EFHC1: variants seen among roughly 807,000 people sequenced by gnomAD.
The protein encoded by EFHC1 is EF-hand domain containing 1, also known as EF-hand domain-containing protein 1.
EFHC1 carries 53 observed loss-of-function variants against 69.9 expected under a neutral mutation model. The ratio of observed to expected loss-of-function variants is 0.76; its 90% confidence interval spans 0.61 to 0.95. EFHC1 has a LOEUF of 0.95. Among genes scored for constraint, EFHC1 ranks in the 40% least tolerant of loss-of-function variants. EFHC1 has a pLI of 0.00. For missense variants in EFHC1, 739 were observed against 798.7 expected (o/e 0.93, Z 0.90); for synonymous variants, 256 against 278.4 (o/e 0.92, Z 0.80).
intron 2 of EFHC1, chr6:52,428,338 C>G (rs957956440): frequency 4.6e-5 from 7 of 151,876 alleles, no homozygotes; most frequent in African/African-American, 1.5e-4. Context: ...TCCCTCACCC[C>G]CTTCCCACCC....
chr6:52,435,062 C>G (rs1330427022), intron 2 of EFHC1, among the ~76,000 whole-genome samples: 1 of 152,156 alleles, frequency 6.6e-6, no homozygotes, highest in African/African-American at 2.4e-5. Context: ...CTTTGGTTAT[C>G]TTCTCTGTGA....
At chr6:52,473,950 C>T (rs1382198523) in intron 7 of EFHC1, among the ~76,000 whole-genome samples, 1 of 152,014 alleles carries the variant, frequency 6.6e-6, no homozygotes, top group African/African-American at 2.4e-5. Flanking sequence ...ATATAAAGAA[C>T]ACTCTGAAAT....
At chr6:52,491,570 A>G (rs1461791048) in intron 10 of EFHC1, among the ~76,000 whole-genome samples, 1 of 152,248 alleles carries the variant, frequency 6.6e-6, no homozygotes, top group Non-Finnish European at 1.5e-5. Context: ...TAGTTCTGAA[A>G]TCTTGGGAAA....
At chr6:52,485,083 A>G (rs981658221) in intron 9 of EFHC1, 1 of 152,210 alleles carries the variant, frequency 6.6e-6, no homozygotes, top group Non-Finnish European at 1.5e-5. Flanking sequence ...TTTAAAAAAA[A>G]ATGCCTCAGG....
intron 5 of EFHC1, among the ~76,000 whole-genome samples, chr6:52,462,853 A>G (rs1765201282): frequency 6.8e-6 from 1 of 145,988 alleles, no homozygotes; most frequent in Admixed American, 7.0e-5. Flanking sequence ...GTGCCAGTGC[A>G]CTCCAGGCTG....
At chr6:52,438,165 G>A (rs917856227) in intron 2 of EFHC1, 139 bp from the exon 3 acceptor site, 1 of 841,088 alleles carries the variant, frequency 1.2e-6, no homozygotes, top group Admixed American at 2.2e-5. Context: ...TAGTTTTAGA[G>A]TATCAAGATT....
Position 52,493,839 on chromosome 6 carries a change from C to T in EFHC1, c.*1498C>T. 2.2e-6 allele frequency: 1 copy of T among 454,076 alleles called. No homozygotes were observed. Among genetic ancestry groups the T allele is most frequent in the Non-Finnish European group, 4.4e-6 (1 of 226,776 alleles). The allele number at this position is 454,076 out of a possible 1,614,324, so 28.1% of individuals were successfully genotyped here. ...ACATGCTATCTCAAATTCCCCGAAGCCACCCAAAATGTGGTATGAATGAGG... is the reference window on the plus strand; with the variant it reads ...ACATGCTATCTCAAATTCCCCGAAGTCACCCAAAATGTGGTATGAATGAGG... On this transcript the variant is annotated 3_prime_UTR_variant, in exon 11 of 11. Transcript: ENST00000371068.
chr6:52,463,194 A>ATT (rs35702967), intron 5 of EFHC1, among the ~76,000 whole-genome samples: 9,296 of 132,888 alleles, frequency 0.07, 401 homozygotes, highest in East Asian at 0.14. Flanking sequence ...CACCCAGCTA[A>ATT]TTTTTTTTTT....
intron 10 of EFHC1, among the ~76,000 whole-genome samples, chr6:52,491,271 T>C (rs1765896616): frequency 6.6e-6 from 1 of 152,194 alleles, no homozygotes; most frequent in African/African-American, 2.4e-5. Context: ...CTGTCTGATG[T>C]GGGAACTGAC....
chr6:52,493,404 TAC>T lies in EFHC1; in HGVS notation c.*1072_*1073del, dbSNP rs886061634. On this transcript the variant is annotated 3_prime_UTR_variant, in exon 11 of 11. Transcript: ENST00000371068. ...TATATATTTTATATGTACACATTCATACACACACACGCTTATATGTATACATA... is the reference window on the plus strand; with the variant it reads ...TATATATTTTATATGTACACATTCATACACACACGCTTATATGTATACATA... 21 of 264,120 alleles carry T rather than the reference TAC, an allele frequency of 8.0e-5. No individual in the cohort carries two copies. Among genetic ancestry groups the T allele is most frequent in the South Asian group, 1.6e-4 (5 of 30,670 alleles). The allele number at this position is 264,120 out of a possible 1,614,324, so 16.4% of individuals were successfully genotyped here. A position where few individuals can be genotyped will look rare whatever the true frequency, so the allele number is the denominator to read the frequency against.
chr6:52,454,345 G>A lies in EFHC1; in HGVS notation c.916+58G>A, dbSNP rs1764992761. ...GGGATGTTTTTAGGTTCTTAAAGGAGTTACTTAATCAGTATGCAAAATTCG... is the reference window on the plus strand; with the variant it reads ...GGGATGTTTTTAGGTTCTTAAAGGAATTACTTAATCAGTATGCAAAATTCG... On this transcript the variant is annotated intron_variant, in intron 5 of 10. Transcript: ENST00000371068. 7 of 1,606,870 alleles carry A rather than the reference G, an allele frequency of 4.4e-6. No homozygotes were observed. The South Asian group carries it at 4.4e-5, about 10-fold the overall frequency.
chr6:52,430,234 T>A (rs191339820), intron 2 of EFHC1: 1 of 152,244 alleles, frequency 6.6e-6, no homozygotes, highest in Non-Finnish European at 1.5e-5. Flanking sequence ...CTAGGACTTC[T>A]TCTAGTACTG....
Position 52,479,424 on chromosome 6 carries a change from CTT to C in EFHC1, c.1492+175_1492+176del, listed in dbSNP as rs55987008. Among the ~76,000 whole-genome samples, 14,281 of 152,196 alleles carry C rather than the reference CTT, an allele frequency of 0.094. 930 individuals are homozygous for C. The highest frequency in any genetic ancestry group is 0.14 in the Non-Finnish European group (9,511 of 67,974). On this transcript the variant is annotated intron_variant, in intron 8 of 10. Coordinates refer to ENST00000371068, the MANE Select transcript of EFHC1 (RefSeq NM_018100.4). ...AATCGCCTTCCTAATCAATTAAACT[CTT>C]AAGTTGATTGCATTTGTTGGCTACA...
At chr6:52,450,115 T>G (rs980328667) in intron 3 of EFHC1, among the ~76,000 whole-genome samples, 1 of 152,208 alleles carries the variant, frequency 6.6e-6, no homozygotes, top group African/African-American at 2.4e-5. Flanking sequence ...TGCATGGTTT[T>G]GAGTGGTTTT....
chr6:52,444,570 C>T (rs531674949), intron 3 of EFHC1, among the ~76,000 whole-genome samples: 6 of 152,080 alleles, frequency 3.9e-5, no homozygotes, highest in South Asian at 4.2e-4. Flanking sequence ...TCTTTGGTTC[C>T]GTTTATATGA....
At position 52,494,918 on chromosome 6, in the gene EFHC1, C is replaced by T. The variant is rs139703274; in HGVS notation, c.*2577C>T. 16 of 451,270 alleles carry T rather than the reference C, an allele frequency of 3.5e-5. No individual in the cohort carries two copies. In the East Asian group the frequency reaches 9.1e-4, roughly 26 times the overall value. The allele number at this position is 451,270 out of a possible 1,614,324, so 28.0% of individuals were successfully genotyped here. ...CGTAGTATTCCATGGTGTAGATATA[C>T]TTCATTTAAAAAATCTAATCCACCA... On this transcript the variant is annotated 3_prime_UTR_variant, in exon 11 of 11. Coordinates refer to ENST00000371068, the MANE Select transcript of EFHC1 (RefSeq NM_018100.4).
chr6:52,478,725 T>C (rs758189775), intron 7 of EFHC1, among the ~76,000 whole-genome samples: 23 of 152,302 alleles, frequency 1.5e-4, no homozygotes, highest in Admixed American at 5.2e-4. Flanking sequence ...ATCAGTACTT[T>C]AAAATCAGAG....
intron 9 of EFHC1, chr6:52,480,076 TAAC>T (rs1765642578): frequency 1.5e-5 from 9 of 595,714 alleles, no homozygotes; most frequent in South Asian, 1.2e-4. Context: ...CCCCAAAACT[TAAC>T]TACTAATAGC....
intron 9 of EFHC1, chr6:52,483,233 G>A (rs1449097577): frequency 1.1e-5 from 2 of 174,072 alleles, no homozygotes; most frequent in East Asian, 3.0e-4. Context: ...TGTTGTTGGG[G>A]GAATGGGTTA....
Sources: gnomAD v4.1 joint callset for allele counts (sites outside exome capture counted in the v4.1 genomes callset) on GRCh38, gnomAD v4.1.1 for gene constraint, MANE v1.5 for transcripts, NCBI Gene and HGNC (gene_info 2026-07-23, HGNC 2026-07-21) for gene names.